SYT17: variants seen among roughly 807,000 people sequenced by gnomAD.
SYT17 encodes synaptotagmin-17.
A neutral mutation model predicts 46.7 loss-of-function variants in SYT17; 22 were observed. The observed-to-expected ratio is 0.47, with a 90% CI of 0.34 to 0.67. The LOEUF is 0.67. SYT17 is among the 30% of genes least tolerant of loss of function. The probability of loss-of-function intolerance (pLI) is 0.01; values close to 1 mark genes in which losing one functional copy is unlikely to be tolerated. For missense variants in SYT17, 519 were observed against 612.8 expected (o/e 0.85, Z 1.62); for synonymous variants, 251 against 248.4 (o/e 1.01, Z -0.10).
At chr16:19,215,285 G>C (rs1966052299) in intron 5 of SYT17, among the ~76,000 whole-genome samples, 1 of 152,154 alleles carries the variant, frequency 6.6e-6, no homozygotes, top group Non-Finnish European at 1.5e-5. Flanking sequence ...CTGTTCTGAG[G>C]GAGAAACCAG....
chr16:19,263,232 A>G (rs1969111990), intron 7 of SYT17, among the ~76,000 whole-genome samples: 1 of 152,068 alleles, frequency 6.6e-6, no homozygotes, highest in South Asian at 2.1e-4. Context: ...ATTAGCTATC[A>G]CACCCCATTC....
intron 5 of SYT17, among the ~76,000 whole-genome samples, chr16:19,209,669 G>T (rs1310250242): frequency 1.3e-5 from 2 of 151,358 alleles, no homozygotes; most frequent in Non-Finnish European, 2.9e-5. Flanking sequence ...AGGAGATCGA[G>T]ACCATCCTGG....
At chr16:19,199,600 T>C (rs1965382623) in intron 5 of SYT17, among the ~76,000 whole-genome samples, 2 of 152,052 alleles carry the variant, frequency 1.3e-5, no homozygotes, top group Non-Finnish European at 2.9e-5. Context: ...ACCAGGCATG[T>C]TGGTGCACAC....
At chr16:19,256,879 C>T (rs1319013631) in intron 7 of SYT17, among the ~76,000 whole-genome samples, 1 of 152,076 alleles carries the variant, frequency 6.6e-6, no homozygotes, top group Non-Finnish European at 1.5e-5. Context: ...TGCTTGGCCT[C>T]TTCTTTTTGA....
At chr16:19,208,145 C>T (rs1049559976) in intron 5 of SYT17, among the ~76,000 whole-genome samples, 16 of 152,252 alleles carry the variant, frequency 1.1e-4, no homozygotes, top group African/African-American at 3.4e-4. Flanking sequence ...TTCTGCTTAT[C>T]AGGAAACATA....
chr16:19,212,407 G>A (rs931994149), intron 5 of SYT17, among the ~76,000 whole-genome samples: 3 of 152,090 alleles, frequency 2.0e-5, no homozygotes, highest in African/African-American at 7.2e-5. Flanking sequence ...GATCACTTGA[G>A]GTCAGGAGTT....
intron 5 of SYT17, among the ~76,000 whole-genome samples, chr16:19,213,789 C>A (rs3815043): frequency 6.6e-6 from 1 of 151,926 alleles, no homozygotes; most frequent in African/African-American, 2.4e-5. Context: ...CTCAGCCTCC[C>A]GAGTAGTTGG....
intron 3 of SYT17, among the ~76,000 whole-genome samples, chr16:19,176,289 A>G (rs1280521014): frequency 6.6e-6 from 1 of 152,218 alleles, no homozygotes; most frequent in East Asian, 1.9e-4. Context: ...GACTCTTATT[A>G]GCCTGGCTCG....
chr16:19,250,057 G>A (rs1377726319), intron 7 of SYT17: 56 of 1,533,902 alleles, frequency 3.7e-5, no homozygotes, highest in Non-Finnish European at 4.8e-5. Flanking sequence ...GCAAGTAAAG[G>A]CAATAAAAGT....
At chr16:19,202,720 G>C (rs1424715514) in intron 5 of SYT17, among the ~76,000 whole-genome samples, 1 of 152,002 alleles carries the variant, frequency 6.6e-6, no homozygotes, top group Admixed American at 6.6e-5. Context: ...TGGAGATTCC[G>C]GGCATTTTAT....
chr16:19,209,833 G>A (rs565811165), intron 5 of SYT17, among the ~76,000 whole-genome samples: 2 of 151,982 alleles, frequency 1.3e-5, no homozygotes, highest in African/African-American at 2.4e-5. Flanking sequence ...AGCTGAGATC[G>A]TGCCACTGCA....
chr16:19,249,901 T>G (rs1014191522), intron 7 of SYT17: 2 of 1,532,592 alleles, frequency 1.3e-6, no homozygotes, highest in African/African-American at 2.7e-5. Flanking sequence ...GCTCACTCCC[T>G]TGTCCCCAGC....
intron 5 of SYT17, among the ~76,000 whole-genome samples, chr16:19,203,654 A>G (rs1965554525): frequency 6.6e-6 from 1 of 152,230 alleles, no homozygotes; most frequent in Non-Finnish European, 1.5e-5. Context: ...GTTAGAAACC[A>G]GAATCCTGAG....
Position 19,168,615 on chromosome 16 carries a change from G to T in SYT17, c.-32G>T. Reference sequence around the variant, plus strand: ...GGCAAAGTGGCCGTGGCGGCGCCATGCCCGGGCCGGAGTGAGTGCGCGCGG... The same window carrying T: ...GGCAAAGTGGCCGTGGCGGCGCCATTCCCGGGCCGGAGTGAGTGCGCGCGG... On this transcript the variant is annotated 5_prime_UTR_variant, in exon 1 of 8. The change abolishes an upstream ATG in the 5' untranslated region. Transcript: ENST00000355377. The surrounding 1 kb of genome is among the most constrained non-coding windows in gnomAD (Gnocchi z 6.9). 1 of 1,541,402 alleles carries T rather than the reference G, an allele frequency of 6.5e-7. No homozygotes were observed. The highest frequency in any genetic ancestry group is 8.8e-7 in the Non-Finnish European group (1 of 1,142,076).
chr16:19,267,937 AGTGTGTGTGTGTGTGTGTGTGTGT>A lies in SYT17; in HGVS notation c.*874_*897del, dbSNP rs35835688. 9 of 148,962 alleles carry A rather than the reference AGTGTGTGTGTGTGTGTGTGTGTGT, an allele frequency of 6.0e-5. No homozygotes were observed. The highest frequency in any genetic ancestry group is 8.9e-5 in the Non-Finnish European group (6 of 67,154). 9.2% of individuals were successfully genotyped at this position (148,962 alleles called of 1,614,324 possible). On this transcript the variant is annotated 3_prime_UTR_variant, in exon 8 of 8. Transcript: ENST00000355377. ...CAGAGATCCCACTTTGGATAAAAGT[AGTGTGTGTGTGTGTGTGTGTGTGT>A]GTGTGTGTGTGTAAAGTAAATAGGA...
intron 4 of SYT17, among the ~76,000 whole-genome samples, chr16:19,181,228 T>C (rs1277489783): frequency 1.3e-5 from 2 of 152,206 alleles, no homozygotes; most frequent in African/African-American, 4.8e-5. Context: ...ACCCAATTTG[T>C]CCACTCTGTT....
At chr16:19,257,627 A>C (rs1968670519) in intron 7 of SYT17, among the ~76,000 whole-genome samples, 1 of 152,176 alleles carries the variant, frequency 6.6e-6, no homozygotes, top group Non-Finnish European at 1.5e-5. Flanking sequence ...GAACACCCTG[A>C]TGATGGGCTG....
chr16:19,169,764 T>C (rs1453223731), intron 1 of SYT17: 1 of 152,246 alleles, frequency 6.6e-6, no homozygotes. Flanking sequence ...CCACCCACTG[T>C]GTGCTGAATG....
chr16:19,179,018 G>C (rs1186291918), intron 3 of SYT17, among the ~76,000 whole-genome samples: 2 of 151,380 alleles, frequency 1.3e-5, no homozygotes, highest in African/African-American at 4.9e-5. Context: ...GCAACATAGT[G>C]AGACCCTGTT....
Sources: gnomAD v4.1 joint callset for allele counts (sites outside exome capture counted in the v4.1 genomes callset) on GRCh38, gnomAD v4.1.1 for gene constraint, Gnocchi (gnomAD v3.1) non-coding constraint, MANE v1.5 for transcripts, NCBI Gene and HGNC (gene_info 2026-07-23, HGNC 2026-07-21) for gene names.